RTCB: variants seen among roughly 807,000 people sequenced by gnomAD.
RTCB encodes the protein RNA 2',3'-cyclic phosphate and 5'-OH ligase.
RTCB carries 32 observed loss-of-function variants against 58.2 expected under a neutral mutation model. That is an observed-to-expected ratio of 0.55 (90% CI 0.41 to 0.74). RTCB has a LOEUF of 0.74. RTCB is among the 30% of genes least tolerant of loss of function. RTCB has a pLI of 0.00. For synonymous variants in RTCB, 247 were observed against 218.6 expected, an observed-to-expected ratio of 1.13 and a Z score of -1.15; for missense variants, 523 against 639.0, an observed-to-expected ratio of 0.82 and a Z score of 1.96.
chr22:32,388,200 TAC>T lies in RTCB; in HGVS notation c.1411-103_1411-102del, dbSNP rs1193892350. ...ATGAAATAAATGCACACTAAAATAA[TAC>T]AGAGAGTTTTTTTTTGCCTATGAAA... On this transcript the variant is annotated intron_variant, in intron 11 of 11. Coordinates refer to ENST00000216038, the MANE Select transcript of RTCB (RefSeq NM_014306.5). 5.3e-5 allele frequency: 36 copies of T among 684,278 alleles called. No homozygotes were observed. The Admixed American group carries it at 8.8e-4, about 17-fold the overall frequency. The allele number at this position is 684,278 out of a possible 1,614,324, so 42.4% of individuals were successfully genotyped here.
At chr22:32,392,145 TGTTA>T in intron 11 of RTCB, 91 bp downstream of exon 11, 3 of 1,319,302 alleles carry the variant, frequency 2.3e-6, no homozygotes, top group Non-Finnish European at 1.0e-6. Flanking sequence ...AAACAATTTC[TGTTA>T]GTAACACCCT....
chr22:32,391,419 G>T (rs908579645), intron 11 of RTCB, among the ~76,000 whole-genome samples: 11 of 146,554 alleles, frequency 7.5e-5, no homozygotes, highest in Non-Finnish European at 1.5e-5. Context: ...TTTTTGAGAC[G>T]GAGTCTTACT....
Position 32,395,021 on chromosome 22 carries a change from C to T in RTCB, c.1179+5G>A, listed in dbSNP as rs539584588. ...GCTTAAAACTACAAACGTAGAGCTA[C>T]GTACTTGGTAATCAACAGCAATGAG... is the stretch of plus-strand genomic sequence containing the variant. On this transcript the variant is annotated splice_donor_5th_base_variant and intron_variant, in intron 9 of 11. Transcript: ENST00000216038. 9 of 1,609,882 alleles carry T rather than the reference C, an allele frequency of 5.6e-6. No individual in the cohort carries two copies. The highest frequency in any genetic ancestry group is 2.7e-5 in the African/African-American group (2 of 74,988).
chr22:32,401,237 A>C (rs1219668307), intron 5 of RTCB, among the ~76,000 whole-genome samples: 2 of 151,860 alleles, frequency 1.3e-5, no homozygotes, highest in Non-Finnish European at 2.9e-5. Flanking sequence ...GTGGGACTAC[A>C]GTCACAAGCC....
At chr22:32,390,077 C>A (rs1933126885) in intron 11 of RTCB, among the ~76,000 whole-genome samples, 1 of 152,180 alleles carries the variant, frequency 6.6e-6, no homozygotes, top group Non-Finnish European at 1.5e-5. Context: ...TCTACTGTCA[C>A]CTCACTGAAG....
chr22:32,411,567 A>T (rs1933525268), intron 1 of RTCB, among the ~76,000 whole-genome samples: 1 of 152,238 alleles, frequency 6.6e-6, no homozygotes, highest in Non-Finnish European at 1.5e-5. Flanking sequence ...GCAAGAAATG[A>T]CATCGCTTTA....
chr22:32,388,223 T>C (rs2145887084), intron 11 of RTCB, 124 bp from the exon 12 acceptor site: 1 of 604,646 alleles, frequency 1.7e-6, no homozygotes, highest in East Asian at 2.9e-5. Context: ...TTTTTGCCTA[T>C]GAAATTAGCA....
chr22:32,403,116 G>GTA (rs1038027427), intron 4 of RTCB, among the ~76,000 whole-genome samples: 2 of 152,008 alleles, frequency 1.3e-5, no homozygotes, highest in African/African-American at 2.4e-5. Context: ...AATAAAAACT[G>GTA]TATATATTGG....
At chr22:32,410,067 C>T (rs745860850) in intron 1 of RTCB, among the ~76,000 whole-genome samples, 12 of 152,204 alleles carry the variant, frequency 7.9e-5, no homozygotes, top group Non-Finnish European at 1.6e-4. Flanking sequence ...CCGCCCATCT[C>T]AGCCTCCCAA....
At position 32,388,124 on chromosome 22, in the gene RTCB, G is replaced by C. The variant is rs1287480011; in HGVS notation, c.1411-25C>G. The C allele has an allele frequency of 4.2e-6, 6 of 1,425,642 alleles. No individual in the cohort carries two copies. In the African/African-American group the frequency reaches 8.4e-5, roughly 20 times the overall value. 88.3% of individuals were successfully genotyped at this position (1,425,642 alleles called of 1,614,324 possible). On this transcript the variant is annotated intron_variant, in intron 11 of 11. Coordinates refer to ENST00000216038, the MANE Select transcript of RTCB (RefSeq NM_014306.5). Reference sequence around the variant, plus strand: ...CCTGCAGGAGAGGAATTTAAACATTGTACAAGTCCACTGAAAACACAGTCT... The same window carrying C: ...CCTGCAGGAGAGGAATTTAAACATTCTACAAGTCCACTGAAAACACAGTCT...
intron 11 of RTCB, among the ~76,000 whole-genome samples, chr22:32,390,959 T>C (rs1236351952): frequency 6.6e-6 from 1 of 152,112 alleles, no homozygotes; most frequent in Non-Finnish European, 1.5e-5. Flanking sequence ...CAAGCAATCC[T>C]CCAGCTTCAG....
chr22:32,408,061 T>G (rs1015982351), intron 3 of RTCB, 114 bp downstream of exon 3: 41 of 931,836 alleles, frequency 4.4e-5, no homozygotes, highest in Non-Finnish European at 6.6e-5. Flanking sequence ...TTCATGGTTA[T>G]GTCTGGCTGT....
chr22:32,394,929 T>C, intron 9 of RTCB, 97 bp downstream of exon 9: 1 of 1,073,516 alleles, frequency 9.3e-7, no homozygotes, highest in Non-Finnish European at 1.4e-6. Flanking sequence ...GTATTTTCTT[T>C]TCACAATTGC....
chr22:32,410,643 C>T (rs191594448), intron 1 of RTCB, among the ~76,000 whole-genome samples: 1 of 152,098 alleles, frequency 6.6e-6, no homozygotes, highest in East Asian at 1.9e-4. Context: ...AAGGCTGAGT[C>T]AGAACACCTG....
At chr22:32,404,683 G>C (rs957485187) in intron 4 of RTCB, among the ~76,000 whole-genome samples, 7 of 151,512 alleles carry the variant, frequency 4.6e-5, no homozygotes, top group Non-Finnish European at 1.0e-4. Context: ...TTTCTAGTTT[G>C]TTTGTTTGTT....
Position 32,398,618 on chromosome 22 carries a change from A to T in RTCB, c.655-518T>A, listed in dbSNP as rs1333784038. ...CCCAGAACTTAAAGTAAATAAATTAATTTTTTAAAAAAAGCTTCATAAACA... is the reference window on the plus strand; with the variant it reads ...CCCAGAACTTAAAGTAAATAAATTATTTTTTTAAAAAAAGCTTCATAAACA... On this transcript the variant is annotated intron_variant, in intron 6 of 11. Transcript: ENST00000216038. Among the ~76,000 whole-genome samples, 7 of 152,158 alleles carry T rather than the reference A, an allele frequency of 4.6e-5. No individual in the cohort carries two copies. The South Asian group carries it at 1.5e-3, about 32-fold the overall frequency.
chr22:32,406,864 T>G, intron 3 of RTCB, 103 bp from the exon 4 acceptor site: 1 of 724,764 alleles, frequency 1.4e-6, no homozygotes. Context: ...GGCTGAAGCT[T>G]TCCCTAAATC....
Position 32,406,733 on chromosome 22 carries a change from G to C in RTCB, c.269C>G (p.Ser90Ter). 1 of 1,612,364 alleles carries C rather than the reference G, an allele frequency of 6.2e-7. No individual in the cohort carries two copies. Among genetic ancestry groups the C allele is most frequent in the South Asian group, 1.1e-5 (1 of 91,058 alleles). The part of the protein sequence containing the change: ...HRSIGLPDVH[S>*]GYGFAIGNMA... ...GTTCCCAATAGCAAACCCATATCCT[G>C]AATGGACATCAGGAAGCCCAATAGA... The change falls in exon 4 of 12, where the codon TCA becomes TGA. Residue 90 changes from serine (S) to a stop codon, truncating the protein, a stop_gained. Coordinates refer to ENST00000216038, the MANE Select transcript of RTCB (RefSeq NM_014306.5). LOFTEE classifies it high-confidence loss of function.
At chr22:32,394,074 T>A in intron 9 of RTCB, 72 bp from the exon 10 acceptor site, 1 of 1,090,762 alleles carries the variant, frequency 9.2e-7, no homozygotes, top group South Asian at 1.3e-5. Context: ...AAATTTAAAT[T>A]TTCTCTTGCA....
Sources: allele counts gnomAD v4.1 joint callset (sites outside exome capture counted in the v4.1 genomes callset), GRCh38; gene constraint gnomAD v4.1.1; transcripts MANE v1.5; gene names NCBI Gene and HGNC (gene_info 2026-07-23, HGNC 2026-07-21).